The following SH3RF2 variants were observed in gnomAD, a reference collection of about 807,000 sequenced individuals.
SH3RF2 encodes the protein E3 ubiquitin-protein ligase SH3RF2.
SH3RF2 carries 43 observed loss-of-function variants against 59.0 expected under a neutral mutation model. The observed-to-expected ratio is 0.73, with a 90% CI of 0.57 to 0.94. SH3RF2 has a LOEUF of 0.94. Among genes scored for constraint, SH3RF2 ranks in the 40% least tolerant of loss-of-function variants. The pLI is 0.00. For synonymous variants in SH3RF2, 391 were observed against 391.5 expected (o/e 1.00, Z 0.01); for missense variants, 930 against 940.1 (o/e 0.99, Z 0.14).
intron 5 of SH3RF2, among the ~76,000 whole-genome samples, chr5:146,042,170 C>T (rs1057412807): frequency 3.3e-5 from 5 of 151,960 alleles, no homozygotes; most frequent in African/African-American, 9.7e-5. Flanking sequence ...AACAAACTTA[C>T]ATTTGGAAAG....
At chr5:146,034,264 C>T (rs1761847965) in intron 5 of SH3RF2, among the ~76,000 whole-genome samples, 1 of 152,196 alleles carries the variant, frequency 6.6e-6, no homozygotes, top group Non-Finnish European at 1.5e-5. Context: ...CCCAAACAGC[C>T]TGGGTCCTGA....
chr5:145,947,483 G>C (rs1196778167), intron 2 of SH3RF2, among the ~76,000 whole-genome samples: 1 of 152,220 alleles, frequency 6.6e-6, no homozygotes, highest in East Asian at 1.9e-4. Context: ...GCTTAGCACA[G>C]GGCCTGGCAC....
intron 4 of SH3RF2, among the ~76,000 whole-genome samples, chr5:146,008,431 T>A (rs889908866): frequency 2.0e-5 from 3 of 152,154 alleles, no homozygotes; most frequent in African/African-American, 7.2e-5. Flanking sequence ...TATAAAGAAC[T>A]TTACTCATTC....
chr5:146,017,807 A>G (rs1206027714), intron 5 of SH3RF2, among the ~76,000 whole-genome samples: 1 of 152,036 alleles, frequency 6.6e-6, no homozygotes, highest in Non-Finnish European at 1.5e-5. Flanking sequence ...CCCACACTCA[A>G]TCACTTCGCC....
At chr5:145,996,072 G>T (rs1760135857) in intron 2 of SH3RF2, among the ~76,000 whole-genome samples, 2 of 152,220 alleles carry the variant, frequency 1.3e-5, no homozygotes, top group South Asian at 4.1e-4. Flanking sequence ...CACCCCTGGG[G>T]TCTCCTTACT....
At chr5:146,052,628 G>A (rs7732507) in intron 7 of SH3RF2, among the ~76,000 whole-genome samples, 2,523 of 152,172 alleles carry the variant, frequency 0.017, 78 homozygotes, top group African/African-American at 0.056. Flanking sequence ...CTTTCACTGT[G>A]TTTATACTTT....
intron 2 of SH3RF2, among the ~76,000 whole-genome samples, chr5:145,964,233 C>G (rs144773897): frequency 0.012 from 1,683 of 143,784 alleles, 34 homozygotes; most frequent in African/African-American, 0.041. Flanking sequence ...TCTTTCTTTT[C>G]TTTCTTTCTT....
At chr5:146,054,126 G>T (rs1463068156) in intron 7 of SH3RF2, among the ~76,000 whole-genome samples, 1 of 152,156 alleles carries the variant, frequency 6.6e-6, no homozygotes, top group Non-Finnish European at 1.5e-5. Context: ...GTTAATATAT[G>T]ATAGCAAAGT....
In SH3RF2 at chr5:145,993,403, G is replaced by A. The variant is rs948167729; in HGVS notation, c.379-6655G>A. Among the ~76,000 whole-genome samples the A allele has an allele frequency of 2.6e-5, 4 of 152,296 alleles. No homozygotes were observed. In the East Asian group the frequency reaches 7.7e-4, roughly 29 times the overall value. On this transcript the variant is annotated intron_variant, in intron 2 of 9. Coordinates refer to ENST00000359120, the MANE Select transcript of SH3RF2 (RefSeq NM_152550.4). ...GCCCTAGTAGGGACTCTGTGGGGGG[G>A]CTCTGACCTCACATTTTCCTTCTGC...
chr5:146,046,663 C>T (rs540662973), intron 5 of SH3RF2, among the ~76,000 whole-genome samples: 22 of 152,266 alleles, frequency 1.4e-4, no homozygotes, highest in African/African-American at 4.6e-4. Flanking sequence ...ATGGAATTTA[C>T]AGTCTAGCAA....
chr5:145,984,853 G>T (rs1429398684), intron 2 of SH3RF2, among the ~76,000 whole-genome samples: 1 of 152,174 alleles, frequency 6.6e-6, no homozygotes, highest in African/African-American at 2.4e-5. Flanking sequence ...AGAAGGTCTT[G>T]GTGATTAAAA....
rs1473641020 is a variant in SH3RF2, at chr5:146,062,666, G to C, written c.2155G>C (p.Ala719Pro). 3 of 1,614,114 alleles carry C rather than the reference G, an allele frequency of 1.9e-6. No individual in the cohort carries two copies. The highest frequency in any genetic ancestry group is 1.3e-5 in the African/African-American group (1 of 75,040). ...LGKATTLVST[A>P]SGTQTVFPSK is the part of the protein sequence containing the mutation. ...CAAGGCCACAACCCTGGTGTCCACT[G>C]CCTCAGGCACGCAGACCGTGTTTCC... Residue 719 changes from alanine to proline, a missense_variant, in exon 10 of 10, where the codon GCC (alanine) becomes CCC (proline). Physicochemically the swap from Ala to Pro is conservative, Grantham distance 27. Transcript: ENST00000359120.
intron 2 of SH3RF2, among the ~76,000 whole-genome samples, chr5:145,951,939 C>A (rs1758209426): frequency 6.6e-6 from 1 of 152,114 alleles, no homozygotes; most frequent in African/African-American, 2.4e-5. Flanking sequence ...TCAGTTCTAC[C>A]TTTTGATAGC....
intron 2 of SH3RF2, among the ~76,000 whole-genome samples, chr5:145,988,552 C>T (rs1463882195): frequency 6.6e-6 from 1 of 152,000 alleles, no homozygotes; most frequent in African/African-American, 2.4e-5. Flanking sequence ...TTACAAAAGC[C>T]AGAATGCAAA....
rs571505622 is a variant in SH3RF2, at chr5:145,949,920, T to C, written c.378+11614T>C. ...ATTTTTTTCACAACAGAAAGTTTTG[T>C]AGCTGAGATATTCCTGGGATTCCTA... is the stretch of plus-strand genomic sequence containing the variant. On this transcript the variant is annotated intron_variant, in intron 2 of 9. Transcript: ENST00000359120. Among the ~76,000 whole-genome samples, 8 of 152,354 alleles carry C rather than the reference T, an allele frequency of 5.3e-5. No individual in the cohort carries two copies. The East Asian group carries it at 1.5e-3, about 29-fold the overall frequency.
At chr5:146,043,363 C>T (rs1762190619) in intron 5 of SH3RF2, among the ~76,000 whole-genome samples, 1 of 152,154 alleles carries the variant, frequency 6.6e-6, no homozygotes, top group Admixed American at 6.5e-5. Flanking sequence ...TGAAGCTGAG[C>T]GATTCTCATC....
At chr5:146,020,794 G>C in intron 5 of SH3RF2, among the ~76,000 whole-genome samples, 1 of 152,094 alleles carries the variant, frequency 6.6e-6, no homozygotes, top group South Asian at 2.1e-4. Flanking sequence ...AAAGACAAGA[G>C]AGAGAGAGAA....
At position 145,972,466 on chromosome 5, in the gene SH3RF2, A is replaced by ACCACCACCACCACCC. The variant is rs1759124462; in HGVS notation, c.379-27591_379-27577dup. ...AACTGCTAACACCACCACCACTACC[A>ACCACCACCACCACCC]CCACCACCACCACCCACTTGCCCAC... On this transcript the variant is annotated intron_variant, in intron 2 of 9. Coordinates refer to ENST00000359120, the MANE Select transcript of SH3RF2 (RefSeq NM_152550.4). Among the ~76,000 whole-genome samples the ACCACCACCACCACCC allele has an allele frequency of 2.6e-5, 4 of 152,006 alleles. No individual in the cohort carries two copies. The South Asian group carries it at 8.3e-4, about 32-fold the overall frequency.
At chr5:146,016,499 G>A (rs981917009) in intron 5 of SH3RF2, among the ~76,000 whole-genome samples, 5 of 152,090 alleles carry the variant, frequency 3.3e-5, no homozygotes, top group African/African-American at 1.2e-4. Flanking sequence ...AGTCTCCTAA[G>A]CCTCCCCTCC....
Sources: gnomAD v4.1 joint callset for allele counts (sites outside exome capture counted in the v4.1 genomes callset) on GRCh38, gnomAD v4.1.1 for gene constraint, MANE v1.5 for transcripts, NCBI Gene and HGNC (gene_info 2026-07-23, HGNC 2026-07-21) for gene names.